Variants in CNTNAP4 observed in about 807,000 individuals in gnomAD.
CNTNAP4 encodes contactin associated protein family member 4.
CNTNAP4 carries 98 observed loss-of-function variants against 148.4 expected under a neutral mutation model. The observed-to-expected ratio is 0.66, with a 90% CI of 0.56 to 0.78. CNTNAP4 has a LOEUF of 0.78. Ranked by LOEUF, CNTNAP4 falls within the 30% of genes least tolerant of loss-of-function variation. The pLI is 0.00. For missense variants in CNTNAP4, 1,935 were observed against 1,565.6 expected (o/e 1.24, Z -3.98); for synonymous variants, 730 against 565.1 (o/e 1.29, Z -4.14).
chr16:76,444,599 T>G (rs910246070), intron 4 of CNTNAP4, among the ~76,000 whole-genome samples: 1 of 152,128 alleles, frequency 6.6e-6, no homozygotes, highest in Non-Finnish European at 1.5e-5. Context: ...TTTATATGAT[T>G]AACTTTATGC....
chr16:76,330,427 G>A (rs188834841), intron 2 of CNTNAP4, among the ~76,000 whole-genome samples: 33 of 152,210 alleles, frequency 2.2e-4, no homozygotes, highest in Admixed American at 6.5e-4. Flanking sequence ...AAAATTTAAA[G>A]CATCATTGTG....
At chr16:76,375,325 G>A (rs964604224) in intron 3 of CNTNAP4, among the ~76,000 whole-genome samples, 2 of 152,100 alleles carry the variant, frequency 1.3e-5, no homozygotes, top group South Asian at 2.1e-4. Context: ...GGGAGGCTGA[G>A]GCAAGAGAAT....
intron 2 of CNTNAP4, among the ~76,000 whole-genome samples, chr16:76,340,283 A>G (rs1468488455): frequency 6.6e-6 from 1 of 152,272 alleles, no homozygotes; most frequent in African/African-American, 2.4e-5. Flanking sequence ...CAAATCCTAT[A>G]TGCTTACCCA....
At chr16:76,376,309 G>T (rs764375035) in intron 3 of CNTNAP4, among the ~76,000 whole-genome samples, 2 of 152,152 alleles carry the variant, frequency 1.3e-5, no homozygotes, top group African/African-American at 4.8e-5. Flanking sequence ...ATTTGATGTG[G>T]AGTGGAAAAG....
At chr16:76,336,030 T>C (rs1051329344) in intron 2 of CNTNAP4, among the ~76,000 whole-genome samples, 7 of 152,076 alleles carry the variant, frequency 4.6e-5, no homozygotes, top group Non-Finnish European at 1.0e-4. Context: ...CCAGGGTTGA[T>C]GGAAAGGTAG....
intron 15 of CNTNAP4, among the ~76,000 whole-genome samples, chr16:76,518,686 T>A (rs940043494): frequency 1.3e-5 from 2 of 152,170 alleles, no homozygotes; most frequent in Admixed American, 6.5e-5. Context: ...ATTTATCATT[T>A]CTGGGAGTTG....
rs894297056 is a variant in CNTNAP4, at chr16:76,367,358, C to T, written c.390+11847C>T. Among the ~76,000 whole-genome samples, 28 of 151,904 alleles carry T rather than the reference C, an allele frequency of 1.8e-4. 1 individual carries two copies. In the East Asian group the frequency reaches 3.1e-3, roughly 17 times the overall value. On this transcript the variant is annotated intron_variant, in intron 3 of 23. Coordinates refer to ENST00000611870, the MANE Select transcript of CNTNAP4 (RefSeq NM_033401.5). ...GTAAAGATACACATGTAATATTGGA[C>T]GGGGCCTGTCTTTCTAGGCAAAGGG...
chr16:76,389,397 CTCT>C (rs1200574835), intron 3 of CNTNAP4, among the ~76,000 whole-genome samples: 1 of 152,122 alleles, frequency 6.6e-6, no homozygotes, highest in Admixed American at 6.5e-5. Flanking sequence ...TTGCTTGTGG[CTCT>C]TCTTCCACTC....
chr16:76,281,052 C>T (rs1958667485), intron 1 of CNTNAP4, among the ~76,000 whole-genome samples: 2 of 152,006 alleles, frequency 1.3e-5, no homozygotes, highest in African/African-American at 4.8e-5. Context: ...TCTTTCTTTT[C>T]TCTGATGGAA....
At chr16:76,491,907 G>A (rs1250070614) in intron 13 of CNTNAP4, among the ~76,000 whole-genome samples, 2 of 152,032 alleles carry the variant, frequency 1.3e-5, no homozygotes, top group South Asian at 2.1e-4. Flanking sequence ...TGGACACTTA[G>A]GTTTTTCCGT....
intron 8 of CNTNAP4, 106 bp downstream of exon 8, chr16:76,452,875 T>G: frequency 1.1e-5 from 11 of 1,023,912 alleles, no homozygotes; most frequent in Admixed American, 3.3e-5. Flanking sequence ...GCTTAATAAA[T>G]GAATACTCAG....
At chr16:76,452,131 T>C (rs924175707) in intron 7 of CNTNAP4, among the ~76,000 whole-genome samples, 2 of 152,114 alleles carry the variant, frequency 1.3e-5, no homozygotes, top group Admixed American at 6.5e-5. Context: ...TAGTTTGCTG[T>C]TCAGCTTTTG....
chr16:76,533,871 A>ACCC (rs2084098733), intron 17 of CNTNAP4, among the ~76,000 whole-genome samples: 1 of 152,208 alleles, frequency 6.6e-6, no homozygotes, highest in African/African-American at 2.4e-5. Flanking sequence ...AGACCTTGGC[A>ACCC]TCCTTCACTG....
intron 14 of CNTNAP4, 78 bp downstream of exon 14, chr16:76,495,144 C>T: frequency 2.7e-6 from 4 of 1,462,384 alleles, no homozygotes; most frequent in Admixed American, 3.5e-5. Flanking sequence ...TATAGCTAGC[C>T]AGATACTGAA....
At chr16:76,489,381 C>G (rs534747278) in intron 12 of CNTNAP4, among the ~76,000 whole-genome samples, 1 of 152,056 alleles carries the variant, frequency 6.6e-6, no homozygotes, top group Non-Finnish European at 1.5e-5. Context: ...AAATAAAATA[C>G]ATCACAAAAA....
At chr16:76,548,206 C>G (rs970656008) in intron 21 of CNTNAP4, among the ~76,000 whole-genome samples, 3 of 151,932 alleles carry the variant, frequency 2.0e-5, no homozygotes, top group African/African-American at 7.3e-5. Flanking sequence ...TCCCACTAAC[C>G]CTTTTTGTGT....
intron 3 of CNTNAP4, among the ~76,000 whole-genome samples, chr16:76,419,348 A>C (rs2079101321): frequency 6.6e-6 from 1 of 152,066 alleles, no homozygotes; most frequent in South Asian, 2.1e-4. Flanking sequence ...CTTTGTTATG[A>C]AGAAAACCCT....
intron 23 of CNTNAP4, among the ~76,000 whole-genome samples, chr16:76,555,162 A>G (rs886263226): frequency 5.9e-5 from 9 of 152,072 alleles, no homozygotes; most frequent in Admixed American, 3.9e-4. Flanking sequence ...TATTTTTTCT[A>G]TTCATCTAGA....
intron 1 of CNTNAP4, chr16:76,316,171 T>C (rs1597165902): frequency 1.1e-5 from 6 of 566,780 alleles, no homozygotes; most frequent in East Asian, 2.8e-5. Flanking sequence ...CCTTAAGATA[T>C]TGTTTTATTA....
Sources: gnomAD v4.1 joint callset for allele counts (sites outside exome capture counted in the v4.1 genomes callset) on GRCh38, gnomAD v4.1.1 for gene constraint, MANE v1.5 for transcripts, NCBI Gene and HGNC (gene_info 2026-07-23, HGNC 2026-07-21) for gene names.